Variants in NELL1 observed in about 807,000 individuals in gnomAD.
The protein encoded by NELL1 is protein kinase C-binding protein NELL1.
NELL1 carries 76 observed loss-of-function variants against 107.4 expected under a neutral mutation model. The observed-to-expected ratio is 0.71, with a 90% CI of 0.59 to 0.86. The LOEUF is 0.86. Among genes scored for constraint, NELL1 ranks in the 40% least tolerant of loss-of-function variants. NELL1 has a pLI of 0.00. For missense variants in NELL1, 1,024 were observed against 1,005.5 expected (o/e 1.02, Z -0.25); for synonymous variants, 353 against 341.2 (o/e 1.03, Z -0.38).
At chr11:20,998,853 T>C (rs1852151397) in intron 12 of NELL1, among the ~76,000 whole-genome samples, 1 of 152,216 alleles carries the variant, frequency 6.6e-6, no homozygotes, top group Admixed American at 6.5e-5. Context: ...CTTACATTCA[T>C]GTAAAAATTG....
chr11:20,890,948 C>G (rs553569757), intron 5 of NELL1, among the ~76,000 whole-genome samples: 75 of 152,196 alleles, frequency 4.9e-4, no homozygotes, highest in African/African-American at 1.6e-3. Flanking sequence ...AGGATATTAT[C>G]CAGGAGAACC....
intron 15 of NELL1, among the ~76,000 whole-genome samples, chr11:21,436,081 G>A (rs937574200): frequency 2.6e-5 from 4 of 151,450 alleles, no homozygotes; most frequent in South Asian, 2.1e-4. Flanking sequence ...ATTTAGACAC[G>A]GAGTCTCACT....
chr11:20,969,838 A>G (rs1374811163), intron 12 of NELL1, among the ~76,000 whole-genome samples: 1 of 152,082 alleles, frequency 6.6e-6, no homozygotes, highest in Admixed American at 6.6e-5. Flanking sequence ...TACTTTACCA[A>G]TTGGTTGTGG....
At chr11:21,113,501 T>C in intron 12 of NELL1, 88 bp from the exon 13 acceptor site, 1 of 1,349,082 alleles carries the variant, frequency 7.4e-7, no homozygotes, top group Non-Finnish European at 1.0e-6. Context: ...TCTATGGACA[T>C]TTATCTTTTT....
chr11:21,494,886 T>G (rs951861696), intron 15 of NELL1, among the ~76,000 whole-genome samples: 1 of 152,080 alleles, frequency 6.6e-6, no homozygotes, highest in East Asian at 1.9e-4. Flanking sequence ...CAATATTTAT[T>G]CTTTTTTAGA....
chr11:21,177,806 G>A (rs749552087), intron 13 of NELL1, among the ~76,000 whole-genome samples: 2 of 151,046 alleles, frequency 1.3e-5, no homozygotes, highest in Admixed American at 6.6e-5. Flanking sequence ...TTTTATAATC[G>A]TTCTAACAGG....
At chr11:21,254,458 T>C (rs1476677115) in intron 14 of NELL1, among the ~76,000 whole-genome samples, 1 of 152,022 alleles carries the variant, frequency 6.6e-6, no homozygotes, top group Admixed American at 6.6e-5. Context: ...AGGTTAATGT[T>C]AAGGTAACAT....
At chr11:21,134,606 C>T (rs560399278) in intron 13 of NELL1, among the ~76,000 whole-genome samples, 2 of 152,244 alleles carry the variant, frequency 1.3e-5, no homozygotes, top group Non-Finnish European at 2.9e-5. Flanking sequence ...TTCAGATTCT[C>T]TTTTGTGCAC....
chr11:21,144,682 C>A (rs1199921198), intron 13 of NELL1, among the ~76,000 whole-genome samples: 2 of 151,970 alleles, frequency 1.3e-5, no homozygotes, highest in East Asian at 1.9e-4. Flanking sequence ...GTCTCAAGAG[C>A]GTGATAGGAA....
chr11:21,118,301 G>A (rs1463658903), intron 13 of NELL1, among the ~76,000 whole-genome samples: 1 of 152,040 alleles, frequency 6.6e-6, no homozygotes, highest in Non-Finnish European at 1.5e-5. Context: ...TGGGGAATAT[G>A]GATGGGAGAC....
intron 15 of NELL1, among the ~76,000 whole-genome samples, chr11:21,508,976 C>A (rs1348896742): frequency 6.6e-6 from 1 of 151,866 alleles, no homozygotes; most frequent in Non-Finnish European, 1.5e-5. Flanking sequence ...TGCCTTCCAA[C>A]AAAAGTGAAA....
chr11:21,153,490 T>C (rs1856165133), intron 13 of NELL1, among the ~76,000 whole-genome samples: 1 of 152,140 alleles, frequency 6.6e-6, no homozygotes, highest in African/African-American at 2.4e-5. Flanking sequence ...TACTAGGCAC[T>C]GGGGATGCAG....
At chr11:20,703,405 A>T (rs1854850562) in intron 2 of NELL1, among the ~76,000 whole-genome samples, 1 of 151,510 alleles carries the variant, frequency 6.6e-6, no homozygotes, top group African/African-American at 2.4e-5. Context: ...TTCTTTATTA[A>T]TCTTGCTAGC....
intron 2 of NELL1, among the ~76,000 whole-genome samples, chr11:20,693,618 C>G (rs918917102): frequency 1.3e-5 from 2 of 152,148 alleles, no homozygotes; most frequent in African/African-American, 4.8e-5. Context: ...TTGGCCCCCA[C>G]TCTTTTCTGG....
intron 14 of NELL1, among the ~76,000 whole-genome samples, chr11:21,349,330 A>C (rs1850750968): frequency 6.6e-6 from 1 of 152,166 alleles, no homozygotes; most frequent in Non-Finnish European, 1.5e-5. Flanking sequence ...ATATAGTTGC[A>C]GGGAAATGTA....
intron 3 of NELL1, among the ~76,000 whole-genome samples, chr11:20,812,037 T>C (rs932290125): frequency 2.2e-4 from 33 of 152,230 alleles, no homozygotes; most frequent in Non-Finnish European, 1.2e-4. Flanking sequence ...GAAAGCTTTC[T>C]GCTTTTCCTC....
intron 12 of NELL1, among the ~76,000 whole-genome samples, chr11:21,099,965 C>T (rs1854763623): frequency 6.6e-6 from 1 of 151,834 alleles, no homozygotes; most frequent in Non-Finnish European, 1.5e-5. Context: ...CAGTATATTA[C>T]AGTATTTTAC....
chr11:20,700,633 T>C (rs1854754435), intron 2 of NELL1, among the ~76,000 whole-genome samples: 1 of 152,128 alleles, frequency 6.6e-6, no homozygotes, highest in Non-Finnish European at 1.5e-5. Context: ...ACATTAGGTA[T>C]ATATCCTAAT....
intron 15 of NELL1, among the ~76,000 whole-genome samples, chr11:21,399,904 C>T (rs1852061016): frequency 6.6e-6 from 1 of 151,790 alleles, no homozygotes; most frequent in Admixed American, 6.6e-5. Context: ...AAGAAAATAA[C>T]ATTACTGACA....
Sources: allele counts gnomAD v4.1 joint callset (sites outside exome capture counted in the v4.1 genomes callset), GRCh38; gene constraint gnomAD v4.1.1; transcripts MANE v1.5; gene names NCBI Gene and HGNC (gene_info 2026-07-23, HGNC 2026-07-21).